Variants in VWF observed in about 807,000 individuals in gnomAD.
VWF encodes the protein von Willebrand factor.
Under a neutral mutation model 308.6 loss-of-function variants are expected in VWF, and 176 were observed. The observed-to-expected ratio is 0.57, with a 90% CI of 0.50 to 0.65. The LOEUF (loss-of-function observed/expected upper bound fraction) is 0.65. VWF is among the 30% of genes least tolerant of loss of function. The pLI is 0.00. For missense variants in VWF, 3,146 were observed against 3,648.2 expected (o/e 0.86, Z 3.55); for synonymous variants, 1,385 against 1,443.4 (o/e 0.96, Z 0.92).
chr12:6,110,609 G>A, intron 4 of VWF, 27 bp from the exon 5 acceptor site: 2 of 1,610,602 alleles, frequency 1.2e-6, no homozygotes, highest in Non-Finnish European at 1.7e-6. Context: ...AAGTTCAGAA[G>A]TGGGCTTCTT....
Position 5,949,061 on chromosome 12 carries a change from A to C in VWF, c.8396T>G (p.Leu2799Arg), listed in dbSNP as rs930440664. Reference sequence around the variant, plus strand: ...GGAGCATTTGCACTCCATGGCATTGAGAACCTCATGGTACACAACAGAGCC... The same window carrying C: ...GGAGCATTTGCACTCCATGGCATTGCGAACCTCATGGTACACAACAGAGCC... ...TNGSVVYHEV[L>R]NAMECKCSPR... Residue 2799 changes from leucine to arginine, a missense_variant, in exon 52 of 52, where the codon CTC (leucine) becomes CGC (arginine). Physicochemically the swap from Leu to Arg is moderately radical, Grantham distance 102 (BLOSUM62 -2). Around this residue, in one of 3 missense-constraint regions of VWF, gnomAD observed 989 missense variants for 1,117.4 expected, o/e 0.89. Coordinates refer to ENST00000261405, the MANE Select transcript of VWF (RefSeq NM_000552.5). 2 of 1,614,152 alleles carry C rather than the reference A, an allele frequency of 1.2e-6. No homozygotes were observed. Among genetic ancestry groups the C allele is most frequent in the Non-Finnish European group, 1.7e-6 (2 of 1,179,998 alleles).
chr12:6,099,318 CAAAAAAA>C (rs1177262693), intron 5 of VWF, among the ~76,000 whole-genome samples: 22 of 65,598 alleles, frequency 3.4e-4, no homozygotes, highest in Middle Eastern at 7.8e-3. Flanking sequence ...GACTCTATCT[CAAAAAAA>C]AAAAAAAAAA....
At chr12:5,956,151 T>C (rs764807104) in intron 47 of VWF, among the ~76,000 whole-genome samples, 1 of 152,230 alleles carries the variant, frequency 6.6e-6, no homozygotes, top group African/African-American at 2.4e-5. Flanking sequence ...TTTGTGGTGA[T>C]GCAGGTGTAA....
At chr12:6,078,806 G>T (rs1040805127) in intron 6 of VWF, among the ~76,000 whole-genome samples, 2 of 152,180 alleles carry the variant, frequency 1.3e-5, no homozygotes, top group Admixed American at 6.5e-5. Flanking sequence ...ACAGAGCCCA[G>T]CATGGCCCAT....
chr12:6,063,030 A>C lies in VWF; in HGVS notation c.1457T>G (p.Val486Gly). 6.2e-7 allele frequency: 1 copy of C among 1,613,762 alleles called. No homozygotes were observed. The highest frequency in any genetic ancestry group is 8.5e-7 in the Non-Finnish European group (1 of 1,180,024). The change falls in exon 13 of 52, where the codon GTG becomes GGG. Residue 486 changes from valine to glycine, a missense_variant. Val to Gly is a moderately radical substitution (Grantham distance 109). This residue lies in a region of VWF where 1,304 missense variants were observed against 1,353.0 expected (regional missense o/e 0.96). Transcript: ENST00000261405. The surrounding 1 kb of genome is among the most constrained non-coding windows in gnomAD (Gnocchi z 4.9). ...LKGDLRIQHT[V>G]TASVRLSYGE... Reference sequence around the variant, plus strand: ...GTAGCTGAGGCGCACGGAGGCCGTCACTGTATGCTGGATGCGGAGGTCACC... The same window carrying C: ...GTAGCTGAGGCGCACGGAGGCCGTCCCTGTATGCTGGATGCGGAGGTCACC...
At chr12:5,960,002 T>G (rs905896202) in intron 47 of VWF, among the ~76,000 whole-genome samples, 4 of 148,068 alleles carry the variant, frequency 2.7e-5, no homozygotes, top group Non-Finnish European at 6.0e-5. Flanking sequence ...AAAAGAAAAA[T>G]ATAAAAAGTA....
intron 34 of VWF, among the ~76,000 whole-genome samples, chr12:6,002,035 G>T (rs1452961170): frequency 1.3e-5 from 2 of 151,880 alleles, no homozygotes; most frequent in Non-Finnish European, 2.9e-5. Context: ...AGAAAATAAT[G>T]ATAATAAATA....
intron 18 of VWF, among the ~76,000 whole-genome samples, chr12:6,043,088 A>G (rs896523820): frequency 6.6e-6 from 1 of 152,178 alleles, no homozygotes; most frequent in African/African-American, 2.4e-5. Context: ...GGCACCAAAC[A>G]ACCCTTCCAG....
chr12:6,111,552 T>TTACAA (rs1335100102), intron 3 of VWF, among the ~76,000 whole-genome samples: 4 of 152,190 alleles, frequency 2.6e-5, no homozygotes, highest in Non-Finnish European at 5.9e-5. Context: ...TTTTTTTTCT[T>TTACAA]TTTGTAGAGA....
intron 43 of VWF, among the ~76,000 whole-genome samples, chr12:5,975,185 T>G (rs1943520135): frequency 6.6e-6 from 1 of 152,234 alleles, no homozygotes; most frequent in Non-Finnish European, 1.5e-5. Context: ...GGGCCTGGGT[T>G]TCGGGATTTG....
chr12:5,983,297 G>T (rs1446166248), intron 40 of VWF, 43 bp from the exon 41 acceptor site: 1 of 1,591,624 alleles, frequency 6.3e-7, no homozygotes. Flanking sequence ...GTTCAGAAAG[G>T]TTACTCTTTT....
Position 6,075,625 on chromosome 12 carries a change from T to G in VWF, c.658-74A>C. 6.5e-7 allele frequency: 1 copy of G among 1,531,930 alleles called. No homozygotes were observed. Among genetic ancestry groups the G allele is most frequent in the Non-Finnish European group, 8.9e-7 (1 of 1,127,108 alleles). 94.9% of individuals were successfully genotyped at this position (1,531,930 alleles called of 1,614,324 possible). On this transcript the variant is annotated intron_variant, in intron 6 of 51. Coordinates refer to ENST00000261405, the MANE Select transcript of VWF (RefSeq NM_000552.5). This position sits in a 1 kb window ranked among gnomAD's most constrained non-coding sequence, Gnocchi z 4.7. Reference sequence around the variant, plus strand: ...TGAGTGTGGCACTGAGACTTAGCCCTGCTAGGGAAACCAAGGCAGCTCCCT... The same window carrying G: ...TGAGTGTGGCACTGAGACTTAGCCCGGCTAGGGAAACCAAGGCAGCTCCCT...
In VWF at chr12:6,026,039, A is replaced by G. The variant is rs1320050740; in HGVS notation, c.2975T>C (p.Val992Ala). 1 of 1,613,888 alleles carries G rather than the reference A, an allele frequency of 6.2e-7. No homozygotes were observed. Among genetic ancestry groups the G allele is most frequent in the South Asian group, 1.1e-5 (1 of 91,074 alleles). Residue 992 changes from valine (V) to alanine (A), a missense_variant, in exon 23 of 52, where the codon GTG becomes GCG. Transcript: ENST00000261405. Reference sequence around the variant, plus strand: ...ATCAAAATTCCCACACAGGCCACACACTTTCTCCTTGAGAGACAAGTTGAG... The same window carrying G: ...ATCAAAATTCCCACACAGGCCACACGCTTTCTCCTTGAGAGACAAGTTGAG... Reference protein sequence around the residue: ...VVLKQTYQEKVCGLCGNFDGI... With the variant: ...VVLKQTYQEKACGLCGNFDGI...
At chr12:6,066,740 A>G (rs1161436561) in intron 10 of VWF, among the ~76,000 whole-genome samples, 1 of 152,242 alleles carries the variant, frequency 6.6e-6, no homozygotes, top group Non-Finnish European at 1.5e-5. Context: ...GGGGTCCCCA[A>G]AAGGCACAGA....
intron 42 of VWF, among the ~76,000 whole-genome samples, chr12:5,979,919 T>C (rs1190587837): frequency 7.0e-6 from 1 of 143,334 alleles, no homozygotes; most frequent in Non-Finnish European, 1.5e-5. Context: ...CGGGCGCCTG[T>C]AGTCCCAGCT....
chr12:5,963,725 G>A (rs1943344305), intron 47 of VWF, among the ~76,000 whole-genome samples: 1 of 152,190 alleles, frequency 6.6e-6, no homozygotes, highest in African/African-American at 2.4e-5. Context: ...ACCCAGGCTG[G>A]AGGGCAAGTG....
chr12:6,098,420 G>A (rs780247795), intron 5 of VWF, among the ~76,000 whole-genome samples: 13 of 152,128 alleles, frequency 8.5e-5, no homozygotes, highest in South Asian at 2.1e-4. Context: ...ACTGAAACAC[G>A]TGCCACTACA....
chr12:6,102,679 G>GAGCC (rs1945178877), intron 5 of VWF, among the ~76,000 whole-genome samples: 1 of 151,840 alleles, frequency 6.6e-6, no homozygotes, highest in African/African-American at 2.4e-5. Context: ...ACCTTGCAGT[G>GAGCC]AGCCGAGATT....
At chr12:6,092,515 TTGTCTGTG>T (rs1481054058) in intron 6 of VWF, among the ~76,000 whole-genome samples, 1 of 131,860 alleles carries the variant, frequency 7.6e-6, no homozygotes, top group Non-Finnish European at 1.6e-5. Context: ...TAGTATGTGT[TTGTCTGTG>T]TGTGTGTGTG....
Sources: gnomAD v4.1 joint callset for allele counts (sites outside exome capture counted in the v4.1 genomes callset) on GRCh38, gnomAD v4.1.1 for gene constraint, gnomAD v4.1.1 regional missense constraint, Gnocchi (gnomAD v3.1) non-coding constraint, MANE v1.5 for transcripts, NCBI Gene and HGNC (gene_info 2026-07-23, HGNC 2026-07-21) for gene names.